The following ZNF813 variants were observed in gnomAD, a reference collection of about 807,000 sequenced individuals.
ZNF813 encodes the protein zinc finger protein 813.
In ZNF813, 3 loss-of-function variants were observed where a neutral mutation model predicts 7.2. The ratio of observed to expected loss-of-function variants is 0.42; its 90% confidence interval spans 0.19 to 1.08. ZNF813 has a LOEUF of 1.08. Among genes scored for constraint, ZNF813 ranks in the 50% least tolerant of loss-of-function variants. The pLI is 0.30. For missense variants in ZNF813, 714 were observed against 753.3 expected, an observed-to-expected ratio of 0.95 and a Z score of 0.61; for synonymous variants, 227 against 256.3, an observed-to-expected ratio of 0.89 and a Z score of 1.09.
chr19:53,479,937 A>G lies in ZNF813; in HGVS notation c.-73-3813A>G, dbSNP rs2086399609. 5.0e-6 allele frequency: 4 copies of G among 805,592 alleles called. No homozygotes were observed. In the Admixed American group the frequency reaches 6.8e-5, roughly 14 times the overall value. The allele number at this position is 805,592 out of a possible 1,614,324, so 49.9% of individuals were successfully genotyped here. On this transcript the variant is annotated intron_variant, in intron 1 of 3. Transcript: ENST00000396403. ...AAGATTCTTACTGATAATCTCGAGGAGGCAGAGACCCATGCTGAGTTGGCT... is the reference window on the plus strand; with the variant it reads ...AAGATTCTTACTGATAATCTCGAGGGGGCAGAGACCCATGCTGAGTTGGCT...
intron 2 of ZNF813, among the ~76,000 whole-genome samples, chr19:53,485,612 A>ATATATATCATTAT (rs1555843925): frequency 6.6e-6 from 1 of 150,888 alleles, no homozygotes; most frequent in East Asian, 1.9e-4. Flanking sequence ...ATATATCGTG[A>ATATATATCATTAT]TATATACATG....
At chr19:53,468,695 G>A (rs1237874745) in intron 1 of ZNF813, among the ~76,000 whole-genome samples, 1 of 152,170 alleles carries the variant, frequency 6.6e-6, no homozygotes, top group Non-Finnish European at 1.5e-5. Context: ...TCTCAGTGTA[G>A]CAAAGAGTCA....
In ZNF813 at chr19:53,467,805, T is replaced by C; in HGVS notation, c.-74+16T>C. 1 of 167,524 alleles carries C rather than the reference T, an allele frequency of 6.0e-6. No individual in the cohort carries two copies. The highest frequency in any genetic ancestry group is 1.3e-5 in the Non-Finnish European group (1 of 75,904). 10.4% of individuals were successfully genotyped at this position (167,524 alleles called of 1,614,324 possible). A position where few individuals can be genotyped will look rare whatever the true frequency, so the allele number is the denominator to read the frequency against. On this transcript the variant is annotated intron_variant, in intron 1 of 3. Coordinates refer to ENST00000396403, the MANE Select transcript of ZNF813 (RefSeq NM_001004301.4). ...ACGGCAGCGCGTGAGTTTGGCTCTG[T>C]GTTGTATTAGGTCTGCACTTCCCAG...
chr19:53,471,931 C>G (rs1361735032), intron 1 of ZNF813, among the ~76,000 whole-genome samples: 1 of 152,010 alleles, frequency 6.6e-6, no homozygotes, highest in Non-Finnish European at 1.5e-5. Flanking sequence ...GTTAGTCCTT[C>G]TACAAACATA....
chr19:53,467,960 G>A (rs1428724181), intron 1 of ZNF813, among the ~76,000 whole-genome samples, 171 bp downstream of exon 1: 1 of 152,200 alleles, frequency 6.6e-6, no homozygotes, highest in Admixed American at 6.5e-5. Flanking sequence ...TTGTGTTTAA[G>A]GTCGCCCTGA....
rs2086469259 is a variant in ZNF813 at position 53,492,595 on chromosome 19, C to T, written c.*509C>T. 2 of 642,504 alleles carry T rather than the reference C, an allele frequency of 3.1e-6. No individual in the cohort carries two copies. Among genetic ancestry groups the T allele is most frequent in the Admixed American group, 3.9e-5 (2 of 50,678 alleles). The allele number at this position is 642,504 out of a possible 1,614,324, so 39.8% of individuals were successfully genotyped here. A position where few individuals can be genotyped will look rare whatever the true frequency, so the allele number is the denominator to read the frequency against. ...TAATGAGCAGTCAACACTTACTCAC[C>T]ATCAGGCAATCCATGGTGAAGGAAA... On this transcript the variant is annotated 3_prime_UTR_variant, in exon 4 of 4. Coordinates refer to ENST00000396403, the MANE Select transcript of ZNF813 (RefSeq NM_001004301.4).
At chr19:53,473,677 A>G in intron 1 of ZNF813, among the ~76,000 whole-genome samples, 1 of 152,192 alleles carries the variant, frequency 6.6e-6, no homozygotes, top group East Asian at 1.9e-4. Context: ...GGTGTACTGG[A>G]TCTGTCAGAC....
intron 2 of ZNF813, among the ~76,000 whole-genome samples, chr19:53,484,192 C>T (rs2086422292): frequency 6.6e-6 from 1 of 151,932 alleles, no homozygotes; most frequent in Non-Finnish European, 1.5e-5. Context: ...GAGCAGCTGC[C>T]AATGGAAGTC....
At chr19:53,470,367 T>TA (rs34143725) in intron 1 of ZNF813, among the ~76,000 whole-genome samples, 49,481 of 149,616 alleles carry the variant, frequency 0.33, 7,481 homozygotes, top group African/African-American at 0.39. Context: ...AATGCATATT[T>TA]TTTTTTTAAT....
chr19:53,481,533 G>C (rs2086408715), intron 1 of ZNF813, among the ~76,000 whole-genome samples: 1 of 151,788 alleles, frequency 6.6e-6, no homozygotes, highest in Admixed American at 6.6e-5. Context: ...ATTTTTAGTA[G>C]AGATGGGGTT....
chr19:53,470,605 C>G (rs1429561686), intron 1 of ZNF813, among the ~76,000 whole-genome samples: 1 of 129,694 alleles, frequency 7.7e-6, no homozygotes, highest in Non-Finnish European at 1.7e-5. Context: ...TAAACCAATT[C>G]TTAGTATTTC....
chr19:53,467,944 T>C (rs1210076394), intron 1 of ZNF813, among the ~76,000 whole-genome samples, 155 bp downstream of exon 1: 1 of 151,864 alleles, frequency 6.6e-6, no homozygotes, highest in Non-Finnish European at 1.5e-5. Context: ...CGGGGGTCGC[T>C]TCCTTTTGTG....
chr19:53,492,293 G>T lies in ZNF813; in HGVS notation c.*207G>T. On this transcript the variant is annotated 3_prime_UTR_variant, in exon 4 of 4. Coordinates refer to ENST00000396403, the MANE Select transcript of ZNF813 (RefSeq NM_001004301.4). ...GACTTCATAGTGGAGAGAAACCTTA[G>T]AAATGTGAAGCATGTGACAAAGTTT... 1.2e-6 allele frequency: 1 copy of T among 805,332 alleles called. No individual in the cohort carries two copies. Among genetic ancestry groups the T allele is most frequent in the South Asian group, 1.8e-5 (1 of 54,812 alleles). 49.9% of individuals were successfully genotyped at this position (805,332 alleles called of 1,614,324 possible). A position where few individuals can be genotyped will look rare whatever the true frequency, so the allele number is the denominator to read the frequency against.
intron 1 of ZNF813, among the ~76,000 whole-genome samples, chr19:53,468,485 G>A (rs1176376701): frequency 6.6e-6 from 1 of 152,196 alleles, no homozygotes; most frequent in East Asian, 1.9e-4. Flanking sequence ...CGGCACCAGT[G>A]CCAGCCTCTG....
intron 3 of ZNF813, among the ~76,000 whole-genome samples, chr19:53,488,555 C>T (rs1211532948): frequency 6.6e-6 from 1 of 151,166 alleles, no homozygotes; most frequent in African/African-American, 2.4e-5. Flanking sequence ...ACTACAGGCA[C>T]ATGTCACCAC....
chr19:53,492,565 A>G lies in ZNF813; in HGVS notation c.*479A>G. 1 of 577,520 alleles carries G rather than the reference A, an allele frequency of 1.7e-6. No individual in the cohort carries two copies. The highest frequency in any genetic ancestry group is 3.2e-6 in the Non-Finnish European group (1 of 314,326). 35.8% of individuals were successfully genotyped at this position (577,520 alleles called of 1,614,324 possible). ...CTTACAAGTGTAATGAGTCTGGCAA[A>G]GCCTTAATGAGCAGTCAACACTTAC... On this transcript the variant is annotated 3_prime_UTR_variant, in exon 4 of 4. Coordinates refer to ENST00000396403, the MANE Select transcript of ZNF813 (RefSeq NM_001004301.4).
intron 1 of ZNF813, among the ~76,000 whole-genome samples, chr19:53,468,860 C>T (rs962126712): frequency 3.3e-5 from 5 of 149,270 alleles, no homozygotes; most frequent in South Asian, 4.2e-4. Flanking sequence ...ATCTCAACTG[C>T]AAAGAGGCCT....
At chr19:53,469,802 AGG>A (rs572891801) in intron 1 of ZNF813, among the ~76,000 whole-genome samples, 1 of 137,552 alleles carries the variant, frequency 7.3e-6, no homozygotes, top group Non-Finnish European at 1.6e-5. Flanking sequence ...GAGTGGGGAC[AGG>A]GGGTATAACA....
intron 3 of ZNF813, among the ~76,000 whole-genome samples, chr19:53,489,260 G>A (rs1195721595): frequency 6.6e-6 from 1 of 152,118 alleles, no homozygotes; most frequent in Non-Finnish European, 1.5e-5. Flanking sequence ...GCCTGCCTTG[G>A]CCTCCCAAAG....
Sources: allele counts gnomAD v4.1 joint callset (sites outside exome capture counted in the v4.1 genomes callset), GRCh38; gene constraint gnomAD v4.1.1; transcripts MANE v1.5; gene names NCBI Gene and HGNC (gene_info 2026-07-23, HGNC 2026-07-21).